The following CTNNA3 variants were observed in gnomAD, a reference collection of about 807,000 sequenced individuals.
The protein encoded by CTNNA3 is catenin alpha 3.
In CTNNA3, 76 loss-of-function variants were observed where a neutral mutation model predicts 95.7. The observed-to-expected ratio is 0.79, with a 90% CI of 0.66 to 0.96. CTNNA3 has a LOEUF of 0.96. CTNNA3 is among the 40% of genes least tolerant of loss of function. The pLI is 0.00. For synonymous variants in CTNNA3, 431 were observed against 374.4 expected (o/e 1.15, Z -1.74); for missense variants, 1,191 against 1,089.8 (o/e 1.09, Z -1.31).
intron 13 of CTNNA3, among the ~76,000 whole-genome samples, chr10:66,171,002 A>G (rs903681705): frequency 1.3e-4 from 20 of 151,948 alleles, no homozygotes; most frequent in Non-Finnish European, 2.1e-4. Flanking sequence ...GTGTGGTGGC[A>G]GGCACCTATA....
intron 11 of CTNNA3, among the ~76,000 whole-genome samples, chr10:66,396,017 G>C (rs1455561437): frequency 6.6e-6 from 1 of 151,846 alleles, no homozygotes; most frequent in Non-Finnish European, 1.5e-5. Context: ...GTTCCCACTT[G>C]TAAGTGAGAA....
intron 13 of CTNNA3, among the ~76,000 whole-genome samples, chr10:66,261,886 A>C (rs2091013604): frequency 6.6e-6 from 1 of 151,770 alleles, no homozygotes. Flanking sequence ...TCCACCAATT[A>C]ACAATCTCCA....
chr10:67,569,556 A>G (rs950930534), intron 3 of CTNNA3, among the ~76,000 whole-genome samples: 1 of 152,108 alleles, frequency 6.6e-6, no homozygotes, highest in East Asian at 1.9e-4. Context: ...TGTGATTCTT[A>G]TATTAGCCAT....
chr10:66,574,031 C>CT (rs1842939615), intron 10 of CTNNA3, among the ~76,000 whole-genome samples: 1 of 152,032 alleles, frequency 6.6e-6, no homozygotes, highest in Non-Finnish European at 1.5e-5. Flanking sequence ...TATCTGTGAT[C>CT]CTTTTCAAAC....
intron 3 of CTNNA3, among the ~76,000 whole-genome samples, chr10:67,603,767 A>T (rs1403831168): frequency 6.6e-6 from 1 of 152,200 alleles, no homozygotes; most frequent in Non-Finnish European, 1.5e-5. Context: ...AAAAAGTTGC[A>T]GTAAGCTACG....
At position 66,431,507 on chromosome 10, in the gene CTNNA3, C is replaced by T. The variant is rs569632078; in HGVS notation, c.1532-52155G>A. The stretch of plus-strand genomic sequence containing the variant: ...ACTTGGAACCAACCCAAATGTCCAT[C>T]AATGATAGACTGGATTAAGAAAATA... On this transcript the variant is annotated intron_variant, in intron 11 of 17. Coordinates refer to ENST00000433211, the MANE Select transcript of CTNNA3 (RefSeq NM_013266.4). Among the ~76,000 whole-genome samples, 64 of 152,006 alleles carry T rather than the reference C, an allele frequency of 4.2e-4. 1 individual carries two copies. The South Asian group carries it at 0.013, about 31-fold the overall frequency.
intron 3 of CTNNA3, among the ~76,000 whole-genome samples, chr10:67,601,047 G>A (rs1305673465): frequency 6.6e-6 from 1 of 152,186 alleles, no homozygotes; most frequent in Non-Finnish European, 1.5e-5. Context: ...GGCCCTCTTA[G>A]GGTTCTAATA....
At chr10:66,037,874 C>T (rs1022644628) in intron 15 of CTNNA3, among the ~76,000 whole-genome samples, 8 of 152,068 alleles carry the variant, frequency 5.3e-5, no homozygotes, top group Admixed American at 2.6e-4. Context: ...TTTATACCAA[C>T]CATTTGTAAT....
At chr10:67,708,577 T>C (rs1841090501) in intron 1 of CTNNA3, among the ~76,000 whole-genome samples, 1 of 152,186 alleles carries the variant, frequency 6.6e-6, no homozygotes, top group Admixed American at 6.5e-5. Context: ...CACTTAATTT[T>C]AAAAGTAATA....
chr10:67,478,797 AAC>A (rs1240223507), intron 5 of CTNNA3, among the ~76,000 whole-genome samples: 1 of 152,058 alleles, frequency 6.6e-6, no homozygotes, highest in Non-Finnish European at 1.5e-5. Context: ...CTTGAATGTA[AAC>A]AGTCTAAACA....
intron 5 of CTNNA3, among the ~76,000 whole-genome samples, chr10:67,432,030 A>C (rs1454043371): frequency 6.6e-6 from 1 of 152,028 alleles, no homozygotes; most frequent in Non-Finnish European, 1.5e-5. Context: ...CAAAAAATGA[A>C]ATTAAAAATA....
intron 1 of CTNNA3, among the ~76,000 whole-genome samples, chr10:67,711,736 C>T (rs148204754): frequency 1.7e-5 from 2 of 120,116 alleles, no homozygotes; most frequent in Non-Finnish European, 3.4e-5. Flanking sequence ...CTCCCCCCTC[C>T]CCCCACCCCA....
chr10:66,574,990 C>A (rs1842966096), intron 10 of CTNNA3, among the ~76,000 whole-genome samples: 1 of 152,092 alleles, frequency 6.6e-6, no homozygotes. Flanking sequence ...AAACTGGTTA[C>A]ATAACAAATA....
intron 3 of CTNNA3, among the ~76,000 whole-genome samples, chr10:67,541,130 T>A (rs1253902507): frequency 2.0e-5 from 3 of 151,928 alleles, no homozygotes; most frequent in Non-Finnish European, 4.4e-5. Context: ...AGGACATATA[T>A]CTTTACATGC....
intron 7 of CTNNA3, among the ~76,000 whole-genome samples, chr10:66,978,552 A>AAAATAAAAAAAAAAAAAATATATATATAT: frequency 5.3e-5 from 2 of 37,866 alleles, no homozygotes; most frequent in African/African-American, 8.7e-5. Context: ...AAAAAAAAAA[A>AAAATAAAAAAAAAAAAAATATATATATAT]ATATATATAT....
chr10:66,687,903 T>C (rs1465554271), intron 9 of CTNNA3, among the ~76,000 whole-genome samples: 1 of 152,104 alleles, frequency 6.6e-6, no homozygotes, highest in Admixed American at 6.5e-5. Flanking sequence ...TTGAGGTCAA[T>C]TATACTATAG....
chr10:66,766,191 A>C, intron 9 of CTNNA3, 73 bp downstream of exon 9: 1 of 1,493,336 alleles, frequency 6.7e-7, no homozygotes, highest in Non-Finnish European at 9.2e-7. Flanking sequence ...ATTTAGGTAC[A>C]ATTCAACCAT....
chr10:66,475,947 A>T (rs1453387086), intron 11 of CTNNA3, among the ~76,000 whole-genome samples: 1 of 152,154 alleles, frequency 6.6e-6, no homozygotes, highest in South Asian at 2.1e-4. Flanking sequence ...ACAACAGAAA[A>T]GACATGGAAT....
At chr10:67,551,969 T>C (rs748008625) in intron 3 of CTNNA3, among the ~76,000 whole-genome samples, 4 of 152,144 alleles carry the variant, frequency 2.6e-5, no homozygotes, top group Non-Finnish European at 5.9e-5. Context: ...AATTTTGGAA[T>C]AGAAGGAGGA....
Sources: gnomAD v4.1 joint callset for allele counts (sites outside exome capture counted in the v4.1 genomes callset) on GRCh38, gnomAD v4.1.1 for gene constraint, MANE v1.5 for transcripts, NCBI Gene and HGNC (gene_info 2026-07-23, HGNC 2026-07-21) for gene names.